DHRS12: variants seen among roughly 807,000 people sequenced by gnomAD.
DHRS12 encodes dehydrogenase/reductase SDR family member 12.
A neutral mutation model predicts 32.1 loss-of-function variants in DHRS12; 29 were observed. That is an observed-to-expected ratio of 0.90 (90% CI 0.67 to 1.23). DHRS12 has a LOEUF of 1.23. Ranked by LOEUF, DHRS12 falls within the 50% of genes most tolerant of loss-of-function variation. The pLI, the probability that DHRS12 is intolerant of heterozygous loss-of-function variation, is 0.00. For missense variants in DHRS12, 330 were observed against 337.2 expected (o/e 0.98, Z 0.17); for synonymous variants, 150 against 135.9 (o/e 1.10, Z -0.72).
At position 51,804,093 on chromosome 13, in the gene DHRS12, C is replaced by A; in HGVS notation, c.-48G>T. 1 of 1,495,098 alleles carries A rather than the reference C, an allele frequency of 6.7e-7. No homozygotes were observed. Among genetic ancestry groups the A allele is most frequent in the Non-Finnish European group, 8.9e-7 (1 of 1,129,080 alleles). 92.6% of individuals were successfully genotyped at this position (1,495,098 alleles called of 1,614,324 possible). A position where few individuals can be genotyped will look rare whatever the true frequency, so the allele number is the denominator to read the frequency against. On this transcript the variant is annotated 5_prime_UTR_variant, in exon 1 of 9. Transcript: ENST00000444610. ...CAGCCCCTTGGCGAACCACACGACG[C>A]TGCGGTACAGGGACATGCCGGGAGC...
At chr13:51,785,136 G>A (rs1954894390) in intron 4 of DHRS12, among the ~76,000 whole-genome samples, 1 of 152,134 alleles carries the variant, frequency 6.6e-6, no homozygotes, top group African/African-American at 2.4e-5. Context: ...GCTGAGGCAG[G>A]AGAATTGCTT....
chr13:51,790,186 T>C (rs1316121632), intron 3 of DHRS12, 94 bp from the exon 4 acceptor site: 1 of 937,854 alleles, frequency 1.1e-6, no homozygotes, highest in East Asian at 2.8e-5. Context: ...CCCCAGCTCT[T>C]TTTCAACTTT....
chr13:51,756,129 G>T, the DHRS12 span, among the ~76,000 whole-genome samples: 1 of 152,058 alleles, frequency 6.6e-6, no homozygotes, highest in South Asian at 2.1e-4. Flanking sequence ...CCTGTCAGGT[G>T]TGTTACCCAA....
In DHRS12 at chr13:51,783,043, G is replaced by A. The variant is rs972135452; in HGVS notation, c.302-5922C>T. ...AAGAGCGGCCCAGAGCGGGGTGCAC[G>A]GCGCGGCCCAGGAGGCTCAGTCTGG... On this transcript the variant is annotated intron_variant, in intron 4 of 8. Coordinates refer to ENST00000444610, the MANE Select transcript of DHRS12 (RefSeq NM_001377533.1). Among the ~76,000 whole-genome samples the A allele has an allele frequency of 3.9e-5, 6 of 151,968 alleles. No individual in the cohort carries two copies. In the East Asian group the frequency reaches 5.8e-4, roughly 15 times the overall value.
At chr13:51,766,044 A>ATGT (rs1216887866), downstream of DHRS12, 1 of 152,230 alleles carries the variant, frequency 6.6e-6, no homozygotes, top group African/African-American at 2.4e-5. Context: ...GATTTGAAAA[A>ATGT]TGTTTCACAT....
chr13:51,759,165 A>G, the DHRS12 span, among the ~76,000 whole-genome samples: 2 of 152,214 alleles, frequency 1.3e-5, no homozygotes, highest in African/African-American at 4.8e-5. Flanking sequence ...TGGGTGACAG[A>G]GCAAGACCCT....
intron 2 of DHRS12, among the ~76,000 whole-genome samples, chr13:51,795,774 A>G (rs1000793413): frequency 6.6e-6 from 1 of 152,158 alleles, no homozygotes; most frequent in Non-Finnish European, 1.5e-5. Context: ...CCTTTCACCT[A>G]GCAATCTTCC....
intron 4 of DHRS12, among the ~76,000 whole-genome samples, chr13:51,777,971 G>A (rs577768826): frequency 6.6e-6 from 1 of 152,320 alleles, no homozygotes; most frequent in Admixed American, 6.5e-5. Context: ...TTAAAGTGGC[G>A]AGCCCTGGGC....
chr13:51,802,669 T>C (rs976816827), intron 1 of DHRS12, among the ~76,000 whole-genome samples: 1 of 152,240 alleles, frequency 6.6e-6, no homozygotes, highest in Non-Finnish European at 1.5e-5. Flanking sequence ...ATAAAAATCC[T>C]TGTGCCAAGA....
In DHRS12 at chr13:51,799,585, C is replaced by T. The variant is rs1342759997; in HGVS notation, c.75G>A (p.Leu25=). The change falls in exon 2 of 9, where the codon CTG becomes CTA. Residue 25 remains leucine, a synonymous_variant. Transcript: ENST00000444610. The part of the protein sequence containing the change: ...SRFLEESFWS[L]EETAALAKQL... ...GCTTTGCCAATGCCGCTGTTTCCTC[C>T]AGTGACCAAAAAGACTCTTCCAGGA... 6.2e-7 allele frequency: 1 copy of T among 1,614,142 alleles called. No individual in the cohort carries two copies. Among genetic ancestry groups the T allele is most frequent in the Non-Finnish European group, 8.5e-7 (1 of 1,180,018 alleles).
chr13:51,756,470 C>T, the DHRS12 span: 4,179 of 1,612,070 alleles, frequency 2.6e-3, 13 homozygotes, highest in Non-Finnish European at 3.0e-3. Context: ...AGAGTAAGTT[C>T]CTGCAGCCTG....
chr13:51,803,524 C>A (rs970627444), intron 1 of DHRS12: 1 of 152,276 alleles, frequency 6.6e-6, no homozygotes, highest in African/African-American at 2.4e-5. Flanking sequence ...GGTCACGGGG[C>A]GACGAAACCA....
the DHRS12 span, chr13:51,756,379 C>G: frequency 1.2e-6 from 2 of 1,614,154 alleles, no homozygotes; most frequent in African/African-American, 2.7e-5. Context: ...AGTGCAGCTC[C>G]AAGCGCTCCT....
intron 2 of DHRS12, among the ~76,000 whole-genome samples, chr13:51,795,448 G>A (rs1052369576): frequency 4.6e-5 from 7 of 152,210 alleles, no homozygotes; most frequent in African/African-American, 1.7e-4. Flanking sequence ...TTGATTGAGA[G>A]CTGTTTGTTC....
chr13:51,758,281 G>C, the DHRS12 span: 1 of 1,593,472 alleles, frequency 6.3e-7, no homozygotes, highest in South Asian at 1.1e-5. Flanking sequence ...CTGACTTCTG[G>C]AACTGACAAG....
chr13:51,755,027 GAACCTC>G, the DHRS12 span, among the ~76,000 whole-genome samples: 1 of 152,116 alleles, frequency 6.6e-6, no homozygotes, highest in Admixed American at 6.5e-5. Context: ...ATTTGTCTGA[GAACCTC>G]AGCCTGGGTC....
chr13:51,784,779 T>C (rs1487848022), intron 4 of DHRS12, among the ~76,000 whole-genome samples: 2 of 152,238 alleles, frequency 1.3e-5, no homozygotes, highest in Admixed American at 6.5e-5. Flanking sequence ...TGAGTCTCCA[T>C]ACCAAACTCC....
the DHRS12 span, chr13:51,760,430 A>G: frequency 1.3e-5 from 2 of 152,068 alleles, no homozygotes; most frequent in African/African-American, 4.8e-5. Flanking sequence ...TTTCTGCCTC[A>G]GTTGCCTCTG....
the DHRS12 span, chr13:51,759,665 G>A: frequency 6.8e-7 from 1 of 1,467,492 alleles, no homozygotes; most frequent in Non-Finnish European, 9.4e-7. Context: ...AAATTTCCTT[G>A]AAGAATTCAG....
Sources: allele counts gnomAD v4.1 joint callset (sites outside exome capture counted in the v4.1 genomes callset), GRCh38; gene constraint gnomAD v4.1.1; transcripts MANE v1.5; gene names NCBI Gene and HGNC (gene_info 2026-07-23, HGNC 2026-07-21).